Variants in PCDHA5 observed in about 807,000 individuals in gnomAD.
The protein encoded by PCDHA5 is protocadherin alpha-5.
PCDHA5 carries 43 observed loss-of-function variants against 61.6 expected under a neutral mutation model. The observed-to-expected ratio is 0.70, with a 90% confidence interval of 0.55 to 0.90. The LOEUF (loss-of-function observed/expected upper bound fraction) is 0.90. PCDHA5 is among the 40% of genes least tolerant of loss of function. The pLI, the probability that PCDHA5 is intolerant of heterozygous loss-of-function variation, is 0.00. For missense variants in PCDHA5, 1,298 were observed against 1,222.7 expected, an observed-to-expected ratio of 1.06 and a Z score of -0.92; for synonymous variants, 627 against 543.9, an observed-to-expected ratio of 1.15 and a Z score of -2.13.
chr5:140,842,310 T>C (rs2150333905), intron 1 of PCDHA5: 2 of 1,608,760 alleles, frequency 1.2e-6, no homozygotes, highest in Admixed American at 1.7e-5. Flanking sequence ...CATCCTCCCA[T>C]GGCGGGTCAT....
chr5:140,836,639 G>T, intron 1 of PCDHA5: 1 of 1,613,412 alleles, frequency 6.2e-7, no homozygotes, highest in Middle Eastern at 1.6e-4. Context: ...CATTCTCCCA[G>T]CAGAGGCGGC....
chr5:140,909,856 C>T (rs575107041), intron 1 of PCDHA5, among the ~76,000 whole-genome samples: 2 of 152,286 alleles, frequency 1.3e-5, no homozygotes, highest in South Asian at 2.1e-4. Context: ...TTTTCGGTCC[C>T]CTGGAGTCAA....
At chr5:140,849,264 A>T (rs2150433927) in intron 1 of PCDHA5, 1 of 1,131,868 alleles carries the variant, frequency 8.8e-7, no homozygotes, top group East Asian at 2.6e-5. Context: ...AAACGTTTCT[A>T]TCGGAACGCT....
intron 1 of PCDHA5, chr5:140,851,594 A>T (rs1554145464): frequency 1.1e-6 from 1 of 917,164 alleles, no homozygotes; most frequent in African/African-American, 1.8e-5. Context: ...TTTGAAATTC[A>T]GTTTACAGAA....
rs1554262625 is a variant in PCDHA5, at chr5:141,009,974, T to A, written c.*37T>A. 3 of 1,585,642 alleles carry A rather than the reference T, an allele frequency of 1.9e-6. No homozygotes were observed. The highest frequency in any genetic ancestry group is 2.6e-6 in the Non-Finnish European group (3 of 1,169,212). ...GGAAACAAGCCACTTAGCCAGTTTT[T>A]GTAATAATGGCAAATCTCTCCCATG... On this transcript the variant is annotated 3_prime_UTR_variant, in exon 4 of 4. Transcript: ENST00000529859.
chr5:140,870,726 G>A (rs782321328), intron 1 of PCDHA5: 15 of 1,613,118 alleles, frequency 9.3e-6, no homozygotes, highest in East Asian at 2.2e-5. Flanking sequence ...ATGCGGGCGT[G>A]CCGCCTCTGA....
At chr5:140,988,963 G>A (rs1273293184) in intron 3 of PCDHA5, 2 of 152,140 alleles carry the variant, frequency 1.3e-5, no homozygotes, top group African/African-American at 4.8e-5. Flanking sequence ...CAAGCCCCAC[G>A]ATGGAGAGAA....
chr5:140,890,283 A>G (rs1554184241), intron 1 of PCDHA5, among the ~76,000 whole-genome samples: 2 of 152,192 alleles, frequency 1.3e-5, no homozygotes, highest in Admixed American at 1.3e-4. Flanking sequence ...CACTCAGTTG[A>G]GTCAGAACCA....
intron 1 of PCDHA5, chr5:140,882,698 G>C: frequency 1.2e-6 from 2 of 1,614,200 alleles, no homozygotes; most frequent in Non-Finnish European, 1.7e-6. Flanking sequence ...AATCATTGCA[G>C]AATCTAGACC....
intron 2 of PCDHA5, among the ~76,000 whole-genome samples, chr5:140,982,082 C>G (rs188673632): frequency 6.6e-6 from 1 of 152,276 alleles, no homozygotes; most frequent in Admixed American, 6.5e-5. Flanking sequence ...AGTAGAGAAC[C>G]TAGGAACAAG....
intron 1 of PCDHA5, among the ~76,000 whole-genome samples, chr5:140,905,257 C>T (rs920530176): frequency 6.6e-6 from 1 of 152,168 alleles, no homozygotes; most frequent in African/African-American, 2.4e-5. Context: ...CCACATGAGG[C>T]TTGGCAGTTA....
chr5:140,853,707 C>A, intron 1 of PCDHA5: 2 of 988,182 alleles, frequency 2.0e-6, no homozygotes, highest in Non-Finnish European at 2.4e-6. Context: ...AACGCATTAG[C>A]ATTAGCAGCA....
chr5:140,995,237 T>G (rs1242320046), intron 3 of PCDHA5, among the ~76,000 whole-genome samples: 1 of 152,148 alleles, frequency 6.6e-6, no homozygotes, highest in African/African-American at 2.4e-5. Context: ...GGGCCAGTAT[T>G]AAGTAAAATA....
intron 3 of PCDHA5, among the ~76,000 whole-genome samples, chr5:141,005,814 A>T (rs947359019): frequency 6.7e-6 from 1 of 149,766 alleles, no homozygotes; most frequent in Non-Finnish European, 1.5e-5. Flanking sequence ...GGAGCCAGGT[A>T]TGGTGGCCTG....
chr5:140,934,587 T>C (rs1316719317), intron 1 of PCDHA5, among the ~76,000 whole-genome samples: 1 of 152,176 alleles, frequency 6.6e-6, no homozygotes, highest in Non-Finnish European at 1.5e-5. Flanking sequence ...ATTTCTGTAA[T>C]GGGTCTTCAA....
chr5:140,969,803 T>G, intron 1 of PCDHA5, among the ~76,000 whole-genome samples: 1 of 152,248 alleles, frequency 6.6e-6, no homozygotes, highest in South Asian at 2.1e-4. Context: ...ATCTGCTGTC[T>G]CTGTTTATAC....
intron 1 of PCDHA5, among the ~76,000 whole-genome samples, chr5:140,898,621 C>T (rs1356286726): frequency 8.5e-5 from 13 of 152,312 alleles, no homozygotes; most frequent in African/African-American, 2.6e-4. Flanking sequence ...AGTCAGGTAG[C>T]ATAATGCCTC....
At chr5:140,964,473 T>G (rs1457345251) in intron 1 of PCDHA5, among the ~76,000 whole-genome samples, 13 of 152,068 alleles carry the variant, frequency 8.5e-5, no homozygotes, top group African/African-American at 3.1e-4. Flanking sequence ...TGCCTATGAT[T>G]TTTTCACAGT....
At chr5:140,841,219 G>T in intron 1 of PCDHA5, 1 of 1,437,982 alleles carries the variant, frequency 7.0e-7, no homozygotes, top group South Asian at 1.4e-5. Context: ...TCTAAAGGCC[G>T]AACAACGGGA....
Sources: gnomAD v4.1 joint callset for allele counts (sites outside exome capture counted in the v4.1 genomes callset) on GRCh38, gnomAD v4.1.1 for gene constraint, MANE v1.5 for transcripts, NCBI Gene and HGNC (gene_info 2026-07-23, HGNC 2026-07-21) for gene names.